The following KCNQ1 variants were observed in gnomAD, a reference collection of about 807,000 sequenced individuals.
KCNQ1 encodes the protein potassium voltage-gated channel subfamily KQT member 1.
A neutral mutation model predicts 72.4 loss-of-function variants in KCNQ1; 49 were observed. The observed-to-expected ratio is 0.68, with a 90% CI of 0.54 to 0.86. The LOEUF (loss-of-function observed/expected upper bound fraction) is 0.86. Ranked by LOEUF, KCNQ1 falls within the 40% of genes least tolerant of loss-of-function variation. The pLI, the probability that KCNQ1 is intolerant of heterozygous loss-of-function variation, is 0.00. For missense variants in KCNQ1, 790 were observed against 945.1 expected, an observed-to-expected ratio of 0.84 and a Z score of 2.15; for synonymous variants, 450 against 412.6, an observed-to-expected ratio of 1.09 and a Z score of -1.10.
intron 10 of KCNQ1, chr11:2,622,380 G>T: frequency 2.5e-6 from 1 of 397,666 alleles, no homozygotes. Context: ...CTTTCTTTAG[G>T]TTACTATTTG....
intron 1 of KCNQ1, among the ~76,000 whole-genome samples, chr11:2,466,794 A>G (rs1001034692): frequency 6.8e-6 from 1 of 147,338 alleles, no homozygotes; most frequent in Middle Eastern, 3.3e-3. Flanking sequence ...CCTTGGCCTC[A>G]GTCATCCTAT....
In KCNQ1 at chr11:2,464,231, G is replaced by A. The variant is rs535590328; in HGVS notation, c.386+18747G>A. Among the ~76,000 whole-genome samples, 11 of 152,296 alleles carry A rather than the reference G, an allele frequency of 7.2e-5. No homozygotes were observed. In the South Asian group the frequency reaches 1.2e-3, roughly 17 times the overall value. On this transcript the variant is annotated intron_variant, in intron 1 of 15. Transcript: ENST00000155840. The surrounding 1 kb of genome is among the most constrained non-coding windows in gnomAD (Gnocchi z 5.0). ...TGGACGTCCAGGTGTGGAATGGCCC[G>A]GACAGCAGATAACAAGCCTTCGTCG...
rs1396506436 is a variant in KCNQ1 at position 2,537,386 on chromosome 11, T to C, written c.477+9368T>C. Among the ~76,000 whole-genome samples, 2 of 152,130 alleles carry C rather than the reference T, an allele frequency of 1.3e-5. No homozygotes were observed. The highest frequency in any genetic ancestry group is 2.9e-5 in the Non-Finnish European group (2 of 68,040). The stretch of plus-strand genomic sequence containing the variant: ...AGCAGGATAATTTTGGAAAGAGCAG[T>C]TGCTAGGGGCATTTAAACTTGCAGT... On this transcript the variant is annotated intron_variant, in intron 2 of 15. Transcript: ENST00000155840. This position sits in a 1 kb window ranked among gnomAD's most constrained non-coding sequence, Gnocchi z 5.2.
At position 2,566,105 on chromosome 11, in the gene KCNQ1, C is replaced by A. The variant is rs1421085507; in HGVS notation, c.478-4523C>A. ...ACAGGGCTGAGACACCTCCCTGTCCCCTGGCAGGGCTGGAGGCTCTGGAGT... is the reference window on the plus strand; with the variant it reads ...ACAGGGCTGAGACACCTCCCTGTCCACTGGCAGGGCTGGAGGCTCTGGAGT... On this transcript the variant is annotated intron_variant, in intron 2 of 15. Coordinates refer to ENST00000155840, the MANE Select transcript of KCNQ1 (RefSeq NM_000218.3). This position sits in a 1 kb window ranked among gnomAD's most constrained non-coding sequence, Gnocchi z 6.7. Among the ~76,000 whole-genome samples the A allele has an allele frequency of 6.6e-6, 1 of 152,198 alleles. No homozygotes were observed. The highest frequency in any genetic ancestry group is 1.5e-5 in the Non-Finnish European group (1 of 68,016).
rs1217131631 is a variant in KCNQ1 at position 2,563,395 on chromosome 11, C to T, written c.478-7233C>T. ...CCTGCTTTGCTAGACCCTTGCTGGC[C>T]CTCCGGCTTCGGGCAGGTCTCCTCT... On this transcript the variant is annotated intron_variant, in intron 2 of 15. Coordinates refer to ENST00000155840, the MANE Select transcript of KCNQ1 (RefSeq NM_000218.3). This position sits in a 1 kb window ranked among gnomAD's most constrained non-coding sequence, Gnocchi z 7.4. 6.6e-6 allele frequency among the ~76,000 whole-genome samples: 1 copy of T among 152,200 alleles called. No individual in the cohort carries two copies. Among genetic ancestry groups the T allele is most frequent in the Non-Finnish European group, 1.5e-5 (1 of 68,032 alleles).
At chr11:2,825,465 A>G (rs537868630) in intron 15 of KCNQ1, among the ~76,000 whole-genome samples, 1 of 152,188 alleles carries the variant, frequency 6.6e-6, no homozygotes, top group South Asian at 2.1e-4. Flanking sequence ...CCAGCCCTCT[A>G]CTGGCCAGTG....
chr11:2,524,565 C>T (rs1460083190), intron 1 of KCNQ1, among the ~76,000 whole-genome samples: 1 of 152,196 alleles, frequency 6.6e-6, no homozygotes, highest in African/African-American at 2.4e-5. Flanking sequence ...CCTGCAGTCC[C>T]CAGGAGCACT....
At chr11:2,685,820 T>C (rs567781364) in intron 11 of KCNQ1, 140 of 398,602 alleles carry the variant, frequency 3.5e-4, no homozygotes, top group Non-Finnish European at 3.2e-4. Context: ...CGATTCCTAC[T>C]AGAACGAGGC....
chr11:2,697,796 T>G lies in KCNQ1; in HGVS notation c.1514+35715T>G, dbSNP rs570765075. On this transcript the variant is annotated intron_variant, in intron 11 of 15. Coordinates refer to ENST00000155840, the MANE Select transcript of KCNQ1 (RefSeq NM_000218.3). Reference sequence around the variant, plus strand: ...GCATTGTACAAGGAACTTCTGCATCTACATTCATAAGGGAAATTCTTTATA... The same window carrying G: ...GCATTGTACAAGGAACTTCTGCATCGACATTCATAAGGGAAATTCTTTATA... 2.3e-5 allele frequency: 9 copies of G among 398,658 alleles called. No homozygotes were observed. The South Asian group carries it at 1.1e-3, about 51-fold the overall frequency. The allele number at this position is 398,658 out of a possible 1,614,324, so 24.7% of individuals were successfully genotyped here. A position where few individuals can be genotyped will look rare whatever the true frequency, so the allele number is the denominator to read the frequency against.
rs529228661 is a variant in KCNQ1, at chr11:2,579,327, G to A, written c.922-4108G>A. 2.3e-4 allele frequency among the ~76,000 whole-genome samples: 35 copies of A among 152,262 alleles called. No individual in the cohort carries two copies. The highest frequency in any genetic ancestry group is 8.4e-4 in the African/African-American group (35 of 41,566). Reference sequence around the variant, plus strand: ...AGTGAAGGCACAGGCCAGCAGGAGGGCGGGGGAAACACACTGACCAGTGGG... The same window carrying A: ...AGTGAAGGCACAGGCCAGCAGGAGGACGGGGGAAACACACTGACCAGTGGG... On this transcript the variant is annotated intron_variant, in intron 6 of 15. Coordinates refer to ENST00000155840, the MANE Select transcript of KCNQ1 (RefSeq NM_000218.3). This position sits in a 1 kb window ranked among gnomAD's most constrained non-coding sequence, Gnocchi z 6.0.
rs1369436177 is a variant in KCNQ1, at chr11:2,746,938, T to A, written c.1515-21906T>A. Among the ~76,000 whole-genome samples, 1 of 152,190 alleles carries A rather than the reference T, an allele frequency of 6.6e-6. No individual in the cohort carries two copies. Among genetic ancestry groups the A allele is most frequent in the Non-Finnish European group, 1.5e-5 (1 of 68,022 alleles). On this transcript the variant is annotated intron_variant, in intron 11 of 15. Coordinates refer to ENST00000155840, the MANE Select transcript of KCNQ1 (RefSeq NM_000218.3). The surrounding 1 kb of genome is among the most constrained non-coding windows in gnomAD (Gnocchi z 5.9). ...CTGGCCTCTGCCTGGATCAAAGCCA[T>A]GGCCCCCATTCCCCGGGGATAGGGA...
At chr11:2,649,333 T>G (rs1192167240) in intron 10 of KCNQ1, 3 of 398,436 alleles carry the variant, frequency 7.5e-6, no homozygotes, top group Non-Finnish European at 1.3e-5. Flanking sequence ...GTAGTGATAA[T>G]CTTTTATTCC....
At position 2,616,204 on chromosome 11, in the gene KCNQ1, GT is replaced by G. The variant is rs1002332005; in HGVS notation, c.1393+27359del. On this transcript the variant is annotated intron_variant, in intron 10 of 15. Coordinates refer to ENST00000155840, the MANE Select transcript of KCNQ1 (RefSeq NM_000218.3). ...GATCAGTTATATCGTTCCCACTTTTGTTTTTTTTTCTTATTTTTGTTTTTTT... is the reference window on the plus strand; with the variant it reads ...GATCAGTTATATCGTTCCCACTTTTGTTTTTTTTCTTATTTTTGTTTTTTT... 6.5e-4 allele frequency: 240 copies of G among 371,324 alleles called. 2 individuals carry two copies. In the East Asian group the frequency reaches 7.5e-3, roughly 12 times the overall value. The allele number at this position is 371,324 out of a possible 1,614,324, so 23.0% of individuals were successfully genotyped here.
At chr11:2,791,444 C>T (rs1223800643) in intron 15 of KCNQ1, among the ~76,000 whole-genome samples, 5 of 152,218 alleles carry the variant, frequency 3.3e-5, no homozygotes, top group African/African-American at 9.7e-5. Context: ...CTTGTCACCC[C>T]GTGGGTCAGG....
chr11:2,654,455 G>A lies in KCNQ1; in HGVS notation c.1394-7506G>A, dbSNP rs1347727409. ...AGAAGGCAAGGTTCCCGTGCTGAGC[G>A]CCAGGCACACATAAGCCCTGCAGCC... On this transcript the variant is annotated intron_variant, in intron 10 of 15. Transcript: ENST00000155840. The surrounding 1 kb of genome is among the most constrained non-coding windows in gnomAD (Gnocchi z 6.4). 2.8e-5 allele frequency: 11 copies of A among 398,574 alleles called. No individual in the cohort carries two copies. Among genetic ancestry groups the A allele is most frequent in the Admixed American group, 4.4e-5 (1 of 22,714 alleles). The allele number at this position is 398,574 out of a possible 1,614,324, so 24.7% of individuals were successfully genotyped here.
rs920615598 is a variant in KCNQ1 at position 2,710,251 on chromosome 11, A to G, written c.1514+48170A>G. Among the ~76,000 whole-genome samples, 8 of 152,198 alleles carry G rather than the reference A, an allele frequency of 5.3e-5. No homozygotes were observed. The highest frequency in any genetic ancestry group is 8.8e-5 in the Non-Finnish European group (6 of 68,036). On this transcript the variant is annotated intron_variant, in intron 11 of 15. Transcript: ENST00000155840. The surrounding 1 kb of genome is among the most constrained non-coding windows in gnomAD (Gnocchi z 4.1). ...TCCCCGATGACTAATGATGTTGAGC[A>G]TCTTATTAGCCATTTGTATCTCTTC...
At position 2,549,255 on chromosome 11, in the gene KCNQ1, C is replaced by G. The variant is rs1310484130; in HGVS notation, c.477+21237C>G. On this transcript the variant is annotated intron_variant, in intron 2 of 15. Transcript: ENST00000155840. This position sits in a 1 kb window ranked among gnomAD's most constrained non-coding sequence, Gnocchi z 6.2. ...TCCAGCCAGTGCCACCAGGAGCCCACTGGTGCCAGGATGCTGGGGTGGGGC... is the reference window on the plus strand; with the variant it reads ...TCCAGCCAGTGCCACCAGGAGCCCAGTGGTGCCAGGATGCTGGGGTGGGGC... 6.6e-6 allele frequency among the ~76,000 whole-genome samples: 1 copy of G among 152,174 alleles called. No individual in the cohort carries two copies. The highest frequency in any genetic ancestry group is 1.5e-5 in the Non-Finnish European group (1 of 68,030).
chr11:2,469,415 A>G (rs1162144765), intron 1 of KCNQ1, among the ~76,000 whole-genome samples: 1 of 152,094 alleles, frequency 6.6e-6, no homozygotes, highest in Non-Finnish European at 1.5e-5. Flanking sequence ...TTGGGACTAC[A>G]GATGCCCGCC....
At position 2,673,610 on chromosome 11, in the gene KCNQ1, A is replaced by T; in HGVS notation, c.1514+11529A>T. On this transcript the variant is annotated intron_variant, in intron 11 of 15. Coordinates refer to ENST00000155840, the MANE Select transcript of KCNQ1 (RefSeq NM_000218.3). The surrounding 1 kb of genome is among the most constrained non-coding windows in gnomAD (Gnocchi z 4.5). ...GGCTAAAGAGAAGCTAAACGTGACC[A>T]GCCTACCCACCTTGCTACTGCTGAT... 1 of 398,754 alleles carries T rather than the reference A, an allele frequency of 2.5e-6. No individual in the cohort carries two copies. Among genetic ancestry groups the T allele is most frequent in the Admixed American group, 4.4e-5 (1 of 22,744 alleles). The allele number at this position is 398,754 out of a possible 1,614,324, so 24.7% of individuals were successfully genotyped here. A position where few individuals can be genotyped will look rare whatever the true frequency, so the allele number is the denominator to read the frequency against.
Sources: gnomAD v4.1 joint callset for allele counts (sites outside exome capture counted in the v4.1 genomes callset) on GRCh38, gnomAD v4.1.1 for gene constraint, Gnocchi (gnomAD v3.1) non-coding constraint, MANE v1.5 for transcripts, NCBI Gene and HGNC (gene_info 2026-07-23, HGNC 2026-07-21) for gene names.